The following PDE4D variants were observed in gnomAD, a reference collection of about 807,000 sequenced individuals.
PDE4D encodes 3',5'-cyclic-AMP phosphodiesterase 4D.
A neutral mutation model predicts 87.4 loss-of-function variants in PDE4D; 24 were observed. The ratio of observed to expected loss-of-function variants is 0.27; its 90% CI spans 0.20 to 0.39. The LOEUF is 0.39. Ranked by LOEUF, PDE4D falls within the 10% of genes least tolerant of loss-of-function variation. The pLI is 1.00. For missense variants in PDE4D, 714 were observed against 1,041.0 expected (o/e 0.69, Z 4.32); for synonymous variants, 384 against 383.2 (o/e 1.00, Z -0.02).
intron 5 of PDE4D, chr5:59,091,035 A>G (rs1217179746): frequency 9.4e-6 from 4 of 425,800 alleles, no homozygotes; most frequent in Non-Finnish European, 1.9e-5. Flanking sequence ...CAACAACAAA[A>G]ACAAATACAA....
chr5:59,215,716 T>C (rs1751105735), intron 2 of PDE4D, 61 bp downstream of exon 2: 2 of 1,379,050 alleles, frequency 1.5e-6, no homozygotes. Flanking sequence ...TTTTATTATG[T>C]CATCAGCTCT....
At chr5:60,152,239 G>T (rs934695517) in intron 2 of PDE4D, among the ~76,000 whole-genome samples, 1 of 152,040 alleles carries the variant, frequency 6.6e-6, no homozygotes. Context: ...TCTTTTTCTG[G>T]CTTTAGAATC....
chr5:59,689,344 C>T (rs1178001079), intron 1 of PDE4D, among the ~76,000 whole-genome samples: 1 of 152,170 alleles, frequency 6.6e-6, no homozygotes, highest in African/African-American at 2.4e-5. Flanking sequence ...AAACCGAAGC[C>T]AGCAGCACAT....
rs76421367 is a variant in PDE4D at position 59,149,706 on chromosome 5, GTTT to G, written c.808+30886_808+30888del. On this transcript the variant is annotated intron_variant, in intron 5 of 14. Transcript: ENST00000340635. ...TTTGCCTTTCTCCCTCTCTCCTCGA[GTTT>G]TTTTTTTTTTTTTTTTTTTTTCGGT... 6.6e-3 allele frequency among the ~76,000 whole-genome samples: 455 copies of G among 69,238 alleles called. 2 individuals are homozygous for G. The highest frequency in any genetic ancestry group is 0.021 in the South Asian group (30 of 1,404). 45.4% of individuals were successfully genotyped at this position (69,238 alleles called of 152,430 possible).
intron 5 of PDE4D, among the ~76,000 whole-genome samples, chr5:59,110,681 A>T (rs1404435646): frequency 6.6e-6 from 1 of 152,088 alleles, no homozygotes; most frequent in Non-Finnish European, 1.5e-5. Context: ...AGACTAGCCT[A>T]AGTGTCATGG....
intron 1 of PDE4D, among the ~76,000 whole-genome samples, chr5:59,245,359 C>T (rs11743194): frequency 0.021 from 3,262 of 152,178 alleles, 57 homozygotes; most frequent in Non-Finnish European, 0.035. Context: ...GTCAAAGGTT[C>T]CCTAAATAAG....
At chr5:60,171,450 A>T (rs1333682847) in intron 2 of PDE4D, among the ~76,000 whole-genome samples, 1 of 152,070 alleles carries the variant, frequency 6.6e-6, no homozygotes, top group Non-Finnish European at 1.5e-5. Context: ...GAAACAATGA[A>T]AGCTCAATTT....
chr5:59,643,052 T>C (rs771877049), intron 1 of PDE4D, among the ~76,000 whole-genome samples: 3 of 152,132 alleles, frequency 2.0e-5, no homozygotes, highest in Non-Finnish European at 4.4e-5. Context: ...TGCTTGCTCA[T>C]GAAAGAATGG....
intron 1 of PDE4D, among the ~76,000 whole-genome samples, chr5:59,574,082 ATT>A (rs1381499194): frequency 6.9e-3 from 20 of 2,912 alleles, no homozygotes; most frequent in Admixed American, 9.8e-3. Flanking sequence ...TTATATATAT[ATT>A]TATATATATA....
chr5:59,040,255 C>T (rs1012541182), intron 5 of PDE4D, among the ~76,000 whole-genome samples: 5 of 152,166 alleles, frequency 3.3e-5, no homozygotes, highest in African/African-American at 9.6e-5. Flanking sequence ...CGGACAGAAA[C>T]AAGCAAACAA....
At chr5:59,707,379 T>A (rs1160016051) in intron 1 of PDE4D, among the ~76,000 whole-genome samples, 2 of 152,166 alleles carry the variant, frequency 1.3e-5, no homozygotes, top group Non-Finnish European at 2.9e-5. Flanking sequence ...GAGCTCTCAG[T>A]CTTGTGGAAA....
chr5:60,020,592 AG>A (rs1308713625), intron 2 of PDE4D, among the ~76,000 whole-genome samples: 2 of 152,144 alleles, frequency 1.3e-5, no homozygotes, highest in Admixed American at 1.3e-4. Flanking sequence ...TGACAGTGAA[AG>A]AAAAAAGATA....
chr5:59,855,220 T>A (rs1250513161), intron 1 of PDE4D, among the ~76,000 whole-genome samples: 1 of 152,138 alleles, frequency 6.6e-6, no homozygotes, highest in African/African-American at 2.4e-5. Flanking sequence ...GATGTACCCC[T>A]AGGTCTTTGG....
intron 1 of PDE4D, among the ~76,000 whole-genome samples, chr5:59,613,320 T>C (rs1325758389): frequency 2.0e-5 from 3 of 152,140 alleles, no homozygotes; most frequent in Non-Finnish European, 4.4e-5. Context: ...AGAGCAATAC[T>C]TTGGTTTTGG....
intron 5 of PDE4D, among the ~76,000 whole-genome samples, chr5:59,090,213 T>G (rs1229671828): frequency 6.6e-6 from 1 of 152,092 alleles, no homozygotes; most frequent in Non-Finnish European, 1.5e-5. Flanking sequence ...TATCTTTCTT[T>G]TGAAAAACAA....
chr5:60,379,109 G>A (rs1761659857), intron 1 of PDE4D, among the ~76,000 whole-genome samples: 1 of 151,670 alleles, frequency 6.6e-6, no homozygotes, highest in Non-Finnish European at 1.5e-5. Flanking sequence ...TTGTGTGCCT[G>A]CTAATAGGCA....
intron 1 of PDE4D, among the ~76,000 whole-genome samples, chr5:59,235,848 G>C (rs1050475678): frequency 6.6e-6 from 1 of 152,116 alleles, no homozygotes; most frequent in Non-Finnish European, 1.5e-5. Flanking sequence ...ATGCTTTATA[G>C]TGTATGGTAA....
intron 1 of PDE4D, among the ~76,000 whole-genome samples, chr5:59,833,313 G>A (rs1276880453): frequency 6.6e-6 from 1 of 151,902 alleles, no homozygotes; most frequent in Non-Finnish European, 1.5e-5. Context: ...GGAAAAATGG[G>A]GTCAACTTAG....
At chr5:59,129,201 G>T (rs971979300) in intron 5 of PDE4D, among the ~76,000 whole-genome samples, 5 of 152,164 alleles carry the variant, frequency 3.3e-5, no homozygotes, top group Non-Finnish European at 7.3e-5. Context: ...CACAACTAGT[G>T]TAAAGGTTAT....
Sources: gnomAD v4.1 joint callset for allele counts (sites outside exome capture counted in the v4.1 genomes callset) on GRCh38, gnomAD v4.1.1 for gene constraint, MANE v1.5 for transcripts, NCBI Gene and HGNC (gene_info 2026-07-23, HGNC 2026-07-21) for gene names.